Variants in INPP5F observed in about 807,000 individuals in gnomAD.
The protein encoded by INPP5F is phosphatidylinositide 4-phosphatase SAC2.
Under a neutral mutation model 137.2 loss-of-function variants are expected in INPP5F, and 97 were observed. That is an observed-to-expected ratio of 0.71 (90% CI 0.60 to 0.84). The LOEUF (loss-of-function observed/expected upper bound fraction) is 0.84. Ranked by LOEUF, INPP5F falls within the 40% of genes least tolerant of loss-of-function variation. INPP5F has a pLI of 0.00. For missense variants in INPP5F, 1,271 were observed against 1,371.9 expected (o/e 0.93, Z 1.16); for synonymous variants, 504 against 476.9 (o/e 1.06, Z -0.74).
In INPP5F at chr10:119,771,883, T is replaced by TATATATATACATA. The variant is rs1491430102; in HGVS notation, c.179-9752_179-9751insATATATATACATA. ...ATATATATATATATATATATATATATTTTTTTTTTTTTTTTTTTTTTTTTT... is the reference window on the plus strand; with the variant it reads ...ATATATATATATATATATATATATATATATATATACATATTTTTTTTTTTTTTTTTTTTTTTTT... On this transcript the variant is annotated intron_variant, in intron 2 of 19. Coordinates refer to ENST00000650623, the MANE Select transcript of INPP5F (RefSeq NM_014937.4). Among the ~76,000 whole-genome samples, 17 of 20,066 alleles carry TATATATATACATA rather than the reference T, an allele frequency of 8.5e-4. No homozygotes were observed. The South Asian group carries it at 0.01, about 12-fold the overall frequency. The allele number at this position is 20,066 out of a possible 152,430, so 13.2% of individuals were successfully genotyped here. A position where few individuals can be genotyped will look rare whatever the true frequency, so the allele number is the denominator to read the frequency against.
chr10:119,819,534 G>A, intron 15 of INPP5F: 6 of 1,601,420 alleles, frequency 3.7e-6, no homozygotes, highest in Non-Finnish European at 5.1e-6. Flanking sequence ...AATTTTCAGA[G>A]TGCACGTAAG....
At chr10:119,747,369 G>A (rs1357234495) in intron 1 of INPP5F, among the ~76,000 whole-genome samples, 4 of 151,666 alleles carry the variant, frequency 2.6e-5, no homozygotes, top group South Asian at 2.1e-4. Flanking sequence ...TTACAGGCAC[G>A]CACCACCACG....
In INPP5F at chr10:119,773,981, C is replaced by T. The variant is rs535547883; in HGVS notation, c.179-7654C>T. On this transcript the variant is annotated intron_variant, in intron 2 of 19. Coordinates refer to ENST00000650623, the MANE Select transcript of INPP5F (RefSeq NM_014937.4). ...GAAATTTAAAATATATTTAAATTTC[C>T]TGGCCGGGCTCAGTGGCTCATGCCT... 2.6e-4 allele frequency among the ~76,000 whole-genome samples: 40 copies of T among 152,184 alleles called. No homozygotes were observed. The South Asian group carries it at 8.1e-3, about 31-fold the overall frequency.
chr10:119,752,454 G>A (rs544533520), intron 2 of INPP5F, among the ~76,000 whole-genome samples: 1 of 151,980 alleles, frequency 6.6e-6, no homozygotes, highest in African/African-American at 2.4e-5. Flanking sequence ...GCATGGTGGC[G>A]CATGCCTGTA....
intron 15 of INPP5F, among the ~76,000 whole-genome samples, chr10:119,818,361 C>T (rs564929463): frequency 2.6e-5 from 4 of 152,390 alleles, no homozygotes; most frequent in African/African-American, 9.6e-5. Flanking sequence ...AGGTCGCCTG[C>T]CCGGTCCAGC....
At chr10:119,743,927 A>G (rs757846493) in intron 1 of INPP5F, among the ~76,000 whole-genome samples, 12 of 152,254 alleles carry the variant, frequency 7.9e-5, no homozygotes, top group Non-Finnish European at 1.5e-4. Flanking sequence ...CTTGAGAGAT[A>G]TAAAAATAAG....
In INPP5F at chr10:119,821,773, C is replaced by T. The variant is rs138839649; in HGVS notation, c.1959-658C>T. Among the ~76,000 whole-genome samples the T allele has an allele frequency of 2.7e-3, 404 of 151,354 alleles. 1 individual carries two copies. The highest frequency in any genetic ancestry group is 8.8e-3 in the African/African-American group (363 of 41,288). On this transcript the variant is annotated intron_variant, in intron 16 of 19. Coordinates refer to ENST00000650623, the MANE Select transcript of INPP5F (RefSeq NM_014937.4). ...CTCTGTGTGTGTGTGCACACGCGCG[C>T]GCATGTGTTTGCCTTGTAAGTTAGG...
chr10:119,789,321 T>C (rs1850046522), intron 3 of INPP5F, among the ~76,000 whole-genome samples: 2 of 152,200 alleles, frequency 1.3e-5, no homozygotes, highest in African/African-American at 4.8e-5. Context: ...GTAAGCATGT[T>C]TTCAGGTTTT....
Position 119,823,904 on chromosome 10 carries a change from T to C in INPP5F, c.2249+2T>C. The C allele has an allele frequency of 6.3e-7, 1 of 1,599,514 alleles. No homozygotes were observed. The highest frequency in any genetic ancestry group is 2.2e-5 in the East Asian group (1 of 44,782). ...CATAATTGAGAAGAAACTTGAGAGG[T>C]GAGTATACTGCTTCTCTCAAGAATA... On this transcript the variant is annotated splice_donor_variant, in intron 19 of 19. Transcript: ENST00000650623. LOFTEE classifies it high-confidence loss of function.
At chr10:119,754,959 A>C (rs1848794216) in intron 2 of INPP5F, among the ~76,000 whole-genome samples, 2 of 152,206 alleles carry the variant, frequency 1.3e-5, no homozygotes, top group African/African-American at 4.8e-5. Context: ...GAGGGGAATA[A>C]AATGTCTATA....
At chr10:119,783,180 T>C (rs1849765213) in intron 3 of INPP5F, among the ~76,000 whole-genome samples, 1 of 151,916 alleles carries the variant, frequency 6.6e-6, no homozygotes, top group African/African-American at 2.4e-5. Context: ...TTTGTCTGCA[T>C]TTTTTTTGGG....
At position 119,751,086 on chromosome 10, in the gene INPP5F, A is replaced by G. The variant is rs1380903949; in HGVS notation, c.108A>G (p.Leu36=). ...GGLQLRPATD[L]LLAWNPICLG... ...CCTATTTTATTTTAGCTACTGATCTACTTCTTGCCTGGAATCCCATTTGTT... is the reference window on the plus strand; with the variant it reads ...CCTATTTTATTTTAGCTACTGATCTGCTTCTTGCCTGGAATCCCATTTGTT... Residue 36 remains leucine (L), a synonymous_variant, in exon 2 of 20, where the codon CTA becomes CTG. Transcript: ENST00000650623. 15 of 1,604,730 alleles carry G rather than the reference A, an allele frequency of 9.3e-6. No homozygotes were observed. Among genetic ancestry groups the G allele is most frequent in the Admixed American group, 1.7e-5 (1 of 59,990 alleles).
intron 2 of INPP5F, among the ~76,000 whole-genome samples, chr10:119,765,783 G>GTA (rs1489873553): frequency 8.0e-6 from 1 of 125,410 alleles, no homozygotes; most frequent in Non-Finnish European, 1.7e-5. Flanking sequence ...GTGTGTGTGT[G>GTA]TATAGTGTAT....
At chr10:119,731,879 A>T (rs1848079282) in intron 1 of INPP5F, among the ~76,000 whole-genome samples, 1 of 152,124 alleles carries the variant, frequency 6.6e-6, no homozygotes. Context: ...TATATTGCTG[A>T]CAGGCTAACA....
At chr10:119,809,192 A>G (rs1298529694) in intron 13 of INPP5F, among the ~76,000 whole-genome samples, 5 of 138,666 alleles carry the variant, frequency 3.6e-5, no homozygotes, top group Non-Finnish European at 6.0e-5. Context: ...GTGCCATTGC[A>G]CTCCAGCCTG....
At chr10:119,809,682 A>G (rs573872639) in intron 13 of INPP5F, among the ~76,000 whole-genome samples, 142 of 152,306 alleles carry the variant, frequency 9.3e-4, no homozygotes, top group African/African-American at 3.3e-3. Flanking sequence ...CACCCAGGCT[A>G]AAAGCCCATT....
rs562859715 is a variant in INPP5F at position 119,792,011 on chromosome 10, G to C, written c.587G>C (p.Arg196Thr). The C allele has an allele frequency of 5.9e-5, 95 of 1,614,224 alleles. No homozygotes were observed. In the East Asian group the frequency reaches 1.9e-3, roughly 33 times the overall value. Residue 196 changes from arginine (R) to threonine (T), a missense_variant, in exon 5 of 20, where the codon AGG (arginine) becomes ACG (threonine). This residue lies in a region of INPP5F where 593 missense variants were observed against 712.4 expected (regional missense o/e 0.83). Transcript: ENST00000650623. ...GTGCAGAGGCAGAGCACTGGGGAGA[G>C]GGACGGTCGGCCCCTCTGGCAGAAG... is the stretch of plus-strand genomic sequence containing the variant. ...NSVQRQSTGERDGRPLWQKVD... is the reference protein window; with the variant it reads ...NSVQRQSTGETDGRPLWQKVD...
intron 6 of INPP5F, 138 bp downstream of exon 6, chr10:119,792,351 A>T: frequency 1.5e-6 from 1 of 672,368 alleles, no homozygotes. Context: ...GTTTTCCCCT[A>T]TGGAATGGGA....
chr10:119,771,882 ATTTTTTTTTTTTTTTT>A (rs544724525), intron 2 of INPP5F, among the ~76,000 whole-genome samples: 17 of 24,152 alleles, frequency 7.0e-4, no homozygotes, highest in East Asian at 1.4e-3. Flanking sequence ...ATATATATAT[ATTTTTTTTTTTTTTTT>A]TTTTTTTTTT....
Sources: allele counts gnomAD v4.1 joint callset (sites outside exome capture counted in the v4.1 genomes callset), GRCh38; gene constraint gnomAD v4.1.1; regional missense constraint gnomAD v4.1.1; transcripts MANE v1.5; gene names NCBI Gene and HGNC (gene_info 2026-07-23, HGNC 2026-07-21).